Variants in ZNF638 observed in about 807,000 individuals in gnomAD.
ZNF638 encodes the protein zinc finger protein 638.
A neutral mutation model predicts 195.6 loss-of-function variants in ZNF638; 46 were observed. That is an observed-to-expected ratio of 0.24 (90% confidence interval 0.19 to 0.30). The LOEUF (loss-of-function observed/expected upper bound fraction) is 0.30, where lower values mean the gene tolerates loss of function less well. Among genes scored for constraint, ZNF638 ranks in the 10% least tolerant of loss-of-function variants. The pLI, the probability that ZNF638 is intolerant of heterozygous loss-of-function variation, is 1.00. For synonymous variants in ZNF638, 845 were observed against 772.0 expected, an observed-to-expected ratio of 1.09 and a Z score of -1.57; for missense variants, 2,440 against 2,325.3, an observed-to-expected ratio of 1.05 and a Z score of -1.01.
chr2:71,350,134 C>T lies in ZNF638; in HGVS notation c.1180C>T (p.Pro394Ser), dbSNP rs767102977. ...TGGTATTGTGAAAGCATCCTGGCTA[C>T]CAAAGTTTTCACATGCTGATGCCCA... ...PFGIVKASWL[P>S]KFSHADAQKM... The change falls in exon 2 of 28, where the codon CCA becomes TCA. Residue 394 changes from proline to serine, a missense_variant. Around this residue, in one of 5 missense-constraint regions of ZNF638, gnomAD observed 305 missense variants for 283.6 expected, o/e 1.08. Transcript: ENST00000264447. The T allele has an allele frequency of 3.1e-6, 5 of 1,614,002 alleles. No individual in the cohort carries two copies. Among genetic ancestry groups the T allele is most frequent in the Non-Finnish European group, 4.2e-6 (5 of 1,180,036 alleles).
intron 11 of ZNF638, among the ~76,000 whole-genome samples, chr2:71,396,981 T>G (rs2079906754): frequency 6.6e-6 from 1 of 152,040 alleles, no homozygotes; most frequent in Non-Finnish European, 1.5e-5. Flanking sequence ...TTTCATATAA[T>G]GTTAAAAAGG....
At chr2:71,394,310 A>T (rs1350160505) in intron 10 of ZNF638, among the ~76,000 whole-genome samples, 1 of 152,164 alleles carries the variant, frequency 6.6e-6, no homozygotes, top group Non-Finnish European at 1.5e-5. Context: ...AAGACACTTA[A>T]TGGCATCTGG....
At chr2:71,424,146 C>T in intron 22 of ZNF638, 108 bp downstream of exon 22, 1 of 1,408,108 alleles carries the variant, frequency 7.1e-7, no homozygotes, top group Non-Finnish European at 9.4e-7. Context: ...CATCTCCTCA[C>T]TCTACCCCGG....
At position 71,399,563 on chromosome 2, in the gene ZNF638, A is replaced by G. The variant is rs749249769; in HGVS notation, c.2505A>G (p.Lys835=). 10 of 1,611,190 alleles carry G rather than the reference A, an allele frequency of 6.2e-6. No homozygotes were observed. Among genetic ancestry groups the G allele is most frequent in the Admixed American group, 1.7e-5 (1 of 59,622 alleles). The change falls in exon 13 of 28, where the codon AAA becomes AAG. Residue 835 remains lysine, a synonymous_variant. Coordinates refer to ENST00000264447, the MANE Select transcript of ZNF638 (RefSeq NM_014497.5). The part of the protein sequence containing the change: ...KGNKASIKTA[K]SGGKKSLEAK... ...GGCTGACTGTACTTTTACAAGCAAAATCTGGTGGAAAGAAGTCTCTAGAAG... is the reference window on the plus strand; with the variant it reads ...GGCTGACTGTACTTTTACAAGCAAAGTCTGGTGGAAAGAAGTCTCTAGAAG...
intron 1 of ZNF638, among the ~76,000 whole-genome samples, chr2:71,345,750 C>G (rs971118301): frequency 1.3e-5 from 2 of 152,186 alleles, no homozygotes; most frequent in African/African-American, 4.8e-5. Flanking sequence ...GAGCAGTCGG[C>G]CTGCCTTGGC....
intron 3 of ZNF638, among the ~76,000 whole-genome samples, chr2:71,361,370 T>C (rs745957212): frequency 1.9e-4 from 29 of 152,246 alleles, no homozygotes; most frequent in Non-Finnish European, 3.1e-4. Context: ...AGCATATACA[T>C]GTGAGAAAGC....
At chr2:71,405,557 GA>G in intron 17 of ZNF638, 43 bp from the exon 18 acceptor site, 1 of 1,260,648 alleles carries the variant, frequency 7.9e-7, no homozygotes, top group Non-Finnish European at 1.1e-6. Context: ...ATTTGTATGA[GA>G]AAGAGCTTAT....
intron 10 of ZNF638, among the ~76,000 whole-genome samples, chr2:71,391,922 C>G (rs1161494648): frequency 1.3e-5 from 2 of 152,028 alleles, no homozygotes; most frequent in Admixed American, 6.6e-5. Flanking sequence ...TTTGTTTTTC[C>G]TGCTAAACAC....
At chr2:71,375,684 A>T (rs891332073) in intron 8 of ZNF638, 1 of 152,222 alleles carries the variant, frequency 6.6e-6, no homozygotes, top group African/African-American at 2.4e-5. Flanking sequence ...AAGGTTTTTG[A>T]ACCAGGGCAT....
intron 25 of ZNF638, among the ~76,000 whole-genome samples, chr2:71,429,811 C>T (rs1172426722): frequency 6.6e-6 from 1 of 152,238 alleles, no homozygotes; most frequent in East Asian, 1.9e-4. Flanking sequence ...GACTTTTCCA[C>T]ATGATTGGTT....
intron 10 of ZNF638, among the ~76,000 whole-genome samples, chr2:71,383,767 T>C (rs944559441): frequency 5.1e-5 from 7 of 136,436 alleles, no homozygotes; most frequent in South Asian, 2.4e-4. Flanking sequence ...TTTTTCTTTT[T>C]TTTTTTTTTT....
chr2:71,430,688 A>G (rs758803284), intron 25 of ZNF638, among the ~76,000 whole-genome samples: 10 of 152,212 alleles, frequency 6.6e-5, no homozygotes, highest in Admixed American at 2.0e-4. Flanking sequence ...GAATGATTAT[A>G]TATGTAAAAG....
At chr2:71,424,805 T>C in intron 23 of ZNF638, 90 bp downstream of exon 23, 1 of 1,066,714 alleles carries the variant, frequency 9.4e-7, no homozygotes. Flanking sequence ...CTTAACAATG[T>C]TAGTGACTAA....
intron 10 of ZNF638, chr2:71,393,685 C>CT: frequency 1.4e-6 from 1 of 709,816 alleles, no homozygotes; most frequent in Non-Finnish European, 2.6e-6. Context: ...TATGCTCTCG[C>CT]TTCCCCTGCA....
Position 71,423,017 on chromosome 2 carries a change from A to G in ZNF638, c.3503A>G (p.Glu1168Gly), listed in dbSNP as rs2080463785. 1 of 1,614,072 alleles carries G rather than the reference A, an allele frequency of 6.2e-7. No individual in the cohort carries two copies. The change falls in exon 22 of 28, where the codon GAA becomes GGA. Residue 1168 changes from glutamate (E) to glycine (G), a missense_variant. Physicochemically the swap from Glu to Gly is moderately conservative, Grantham distance 98 (BLOSUM62 -2). Coordinates refer to ENST00000264447, the MANE Select transcript of ZNF638 (RefSeq NM_014497.5). ...TTTGCTGTTGAAACTTTGGAGCTTG[A>G]AACTCAAGGAGAGGAGGTCAAAGAA... ...SDFAVETLELETQGEEVKEEI... is the reference protein window; with the variant it reads ...SDFAVETLELGTQGEEVKEEI...
chr2:71,394,110 C>T (rs923206336), intron 10 of ZNF638, among the ~76,000 whole-genome samples: 3 of 152,158 alleles, frequency 2.0e-5, no homozygotes, highest in African/African-American at 7.2e-5. Context: ...GGGGGACAAG[C>T]CCTTAGTCTC....
chr2:71,382,870 C>CT (rs1176801683), intron 10 of ZNF638, among the ~76,000 whole-genome samples: 23 of 152,112 alleles, frequency 1.5e-4, no homozygotes, highest in African/African-American at 2.4e-5. Context: ...GTAAAAATGA[C>CT]TTATTAAGTA....
At position 71,373,415 on chromosome 2, in the gene ZNF638, T is replaced by G. The variant is rs539834769; in HGVS notation, c.2265+3410T>G. On this transcript the variant is annotated intron_variant, in intron 8 of 27. Transcript: ENST00000264447. ...TTCTTACAGTCTGTTGCTTGTGTTA[T>G]GCATACATATATCAAGTTTGAATTT... Among the ~76,000 whole-genome samples the G allele has an allele frequency of 9.3e-5, 14 of 151,186 alleles. No individual in the cohort carries two copies. In the South Asian group the frequency reaches 2.7e-3, roughly 29 times the overall value.
intron 11 of ZNF638, 76 bp from the exon 12 acceptor site, chr2:71,398,625 T>C: frequency 8.5e-7 from 1 of 1,177,158 alleles, no homozygotes; most frequent in Non-Finnish European, 1.3e-6. Flanking sequence ...CTTACATCTT[T>C]TTCTCTGTGA....
Sources: gnomAD v4.1 joint callset for allele counts (sites outside exome capture counted in the v4.1 genomes callset) on GRCh38, gnomAD v4.1.1 for gene constraint, gnomAD v4.1.1 regional missense constraint, MANE v1.5 for transcripts, NCBI Gene and HGNC (gene_info 2026-07-23, HGNC 2026-07-21) for gene names.